Variants in CNOT1 observed in about 807,000 individuals in gnomAD.
CNOT1 encodes CCR4-associated factor 1.
In CNOT1, 15 loss-of-function variants were observed where a neutral mutation model predicts 273.8. That is an observed-to-expected ratio of 0.05 (90% CI 0.04 to 0.08). The LOEUF (loss-of-function observed/expected upper bound fraction) is 0.08, where lower values mean the gene tolerates loss of function less well. Among genes scored for constraint, CNOT1 ranks in the 10% least tolerant of loss-of-function variants. The pLI is 1.00. For missense variants in CNOT1, 1,644 were observed against 2,912.2 expected (o/e 0.56, Z 10.02); for synonymous variants, 1,022 against 1,005.5 (o/e 1.02, Z -0.31).
Position 58,551,278 on chromosome 16 carries a change from A to G in CNOT1, c.3202-6T>C. 1 of 1,561,872 alleles carries G rather than the reference A, an allele frequency of 6.4e-7. No individual in the cohort carries two copies. Among genetic ancestry groups the G allele is most frequent in the African/African-American group, 1.4e-5 (1 of 72,136 alleles). ...TTTGTAGTATTAATAGAAGGCTAAA[A>G]AAAAAAAATAAAGTACATAAGGCAA... On this transcript the variant is annotated splice_region_variant and splice_polypyrimidine_tract_variant and intron_variant, in intron 23 of 48. Transcript: ENST00000317147.
chr16:58,610,802 C>A lies in CNOT1; in HGVS notation c.-174-11291G>T, dbSNP rs372174883. Among the ~76,000 whole-genome samples, 8 of 151,958 alleles carry A rather than the reference C, an allele frequency of 5.3e-5. No individual in the cohort carries two copies. In the East Asian group the frequency reaches 1.2e-3, roughly 22 times the overall value. ...AGCTTGCAGTGAGCCGAGGTCGCAC[C>A]ACTGCACTCCAGCCTGGGCAACAGA... On this transcript the variant is annotated intron_variant, in intron 1 of 48. Transcript: ENST00000317147.
intron 1 of CNOT1, among the ~76,000 whole-genome samples, chr16:58,601,071 C>T (rs749174892): frequency 1.8e-4 from 28 of 152,206 alleles, no homozygotes; most frequent in Non-Finnish European, 4.0e-4. Context: ...CCTCCTGTCT[C>T]AGCCTCCCAA....
chr16:58,549,508 G>A (rs1050477252), intron 25 of CNOT1, among the ~76,000 whole-genome samples: 1 of 152,022 alleles, frequency 6.6e-6, no homozygotes, highest in Non-Finnish European at 1.5e-5. Context: ...TCATAATAGT[G>A]GTTACTTTCA....
chr16:58,568,983 A>C (rs2041166056), intron 16 of CNOT1, among the ~76,000 whole-genome samples: 2 of 152,262 alleles, frequency 1.3e-5, no homozygotes. Flanking sequence ...TTCAACAAAA[A>C]AATTACAAGA....
chr16:58,591,500 T>A (rs528731166), intron 2 of CNOT1, among the ~76,000 whole-genome samples: 1 of 152,224 alleles, frequency 6.6e-6, no homozygotes, highest in East Asian at 1.9e-4. Flanking sequence ...ATGCCTGTAA[T>A]CCCAGCAGTT....
intron 2 of CNOT1, among the ~76,000 whole-genome samples, chr16:58,596,781 G>A (rs567945068): frequency 2.3e-4 from 34 of 150,706 alleles, no homozygotes; most frequent in Middle Eastern, 3.4e-3. Flanking sequence ...CCAGCTACTC[G>A]GGAGGCTGAG....
chr16:58,554,062 C>T (rs1243233384), intron 21 of CNOT1, among the ~76,000 whole-genome samples: 1 of 152,106 alleles, frequency 6.6e-6, no homozygotes. Context: ...TCAGAAAATA[C>T]ACTACCTCTG....
chr16:58,601,344 G>A (rs900907425), intron 1 of CNOT1, among the ~76,000 whole-genome samples: 3 of 152,048 alleles, frequency 2.0e-5, no homozygotes, highest in African/African-American at 4.8e-5. Context: ...TGATCCGCCC[G>A]CCTCGGCCTC....
rs2041660453 is a variant in CNOT1, at chr16:58,581,659, T to G, written c.1045-144A>C. 3.1e-6 allele frequency: 4 copies of G among 1,308,794 alleles called. No individual in the cohort carries two copies. The African/African-American group carries it at 4.5e-5, about 15-fold the overall frequency. The allele number at this position is 1,308,794 out of a possible 1,614,324, so 81.1% of individuals were successfully genotyped here. A position where few individuals can be genotyped will look rare whatever the true frequency, so the allele number is the denominator to read the frequency against. ...TGTGAATTTTAAGAAACCCATTCTT[T>G]TTTTTTCTTTTTTTTTTTTTAAGAC... is the stretch of plus-strand genomic sequence containing the variant. On this transcript the variant is annotated intron_variant, in intron 10 of 48. Coordinates refer to ENST00000317147, the MANE Select transcript of CNOT1 (RefSeq NM_016284.5).
chr16:58,547,383 T>C lies in CNOT1; in HGVS notation c.3640-87A>G. On this transcript the variant is annotated intron_variant, in intron 26 of 48. Coordinates refer to ENST00000317147, the MANE Select transcript of CNOT1 (RefSeq NM_016284.5). The surrounding 1 kb of genome is among the most constrained non-coding windows in gnomAD (Gnocchi z 4.0). The stretch of plus-strand genomic sequence containing the variant: ...CCAAAGAAAAGTATTTTGCCAAGCT[T>C]ATCCCCAAAACAGGAATCAACATAA... 6.4e-7 allele frequency: 1 copy of C among 1,571,668 alleles called. No individual in the cohort carries two copies. Among genetic ancestry groups the C allele is most frequent in the Non-Finnish European group, 8.6e-7 (1 of 1,157,896 alleles).
At chr16:58,597,447 C>T (rs1204325767) in intron 2 of CNOT1, 1 of 192,556 alleles carries the variant, frequency 5.2e-6, no homozygotes, top group African/African-American at 2.4e-5. Flanking sequence ...GGTATGCCAG[C>T]CTGAGTGACA....
intron 2 of CNOT1, among the ~76,000 whole-genome samples, chr16:58,593,746 GTTAAA>G (rs2042148052): frequency 6.6e-6 from 1 of 152,090 alleles, no homozygotes. Flanking sequence ...GTGAGGAAAA[GTTAAA>G]TTAAACAAAT....
Position 58,547,424 on chromosome 16 carries a change from T to C in CNOT1, c.3640-128A>G. The stretch of plus-strand genomic sequence containing the variant: ...ATCAACATAATGTCTAGTCCTTGCC[T>C]TACAAAAAGGGGTTAACAACTCAAA... On this transcript the variant is annotated intron_variant, in intron 26 of 48. Transcript: ENST00000317147. This position sits in a 1 kb window ranked among gnomAD's most constrained non-coding sequence, Gnocchi z 4.0. 1 of 1,509,306 alleles carries C rather than the reference T, an allele frequency of 6.6e-7. No homozygotes were observed. The allele number at this position is 1,509,306 out of a possible 1,614,324, so 93.5% of individuals were successfully genotyped here.
In CNOT1 at chr16:58,547,451, C is replaced by T. The variant is rs1353880353; in HGVS notation, c.3639+115G>A. 6.6e-7 allele frequency: 1 copy of T among 1,504,058 alleles called. No homozygotes were observed. The highest frequency in any genetic ancestry group is 8.9e-7 in the Non-Finnish European group (1 of 1,119,366). The allele number at this position is 1,504,058 out of a possible 1,614,324, so 93.2% of individuals were successfully genotyped here. A position where few individuals can be genotyped will look rare whatever the true frequency, so the allele number is the denominator to read the frequency against. On this transcript the variant is annotated intron_variant, in intron 26 of 48. Transcript: ENST00000317147. The surrounding 1 kb of genome is among the most constrained non-coding windows in gnomAD (Gnocchi z 4.0). ...ACAAAAAGGGGTTAACAACTCAAAA[C>T]GTGGGCCAAAATCTTACAAAACCCC...
chr16:58,621,602 T>C lies in CNOT1; in HGVS notation c.-175+8126A>G, dbSNP rs963128081. On this transcript the variant is annotated intron_variant, in intron 1 of 48. Transcript: ENST00000317147. The stretch of plus-strand genomic sequence containing the variant: ...TTCTTGTTAGCAAAACCAGGCCTTA[T>C]AGTTTGTCCAAATCCACAGAATATA... Among the ~76,000 whole-genome samples the C allele has an allele frequency of 2.0e-5, 3 of 150,362 alleles. No homozygotes were observed. The South Asian group carries it at 6.4e-4, about 32-fold the overall frequency.
intron 13 of CNOT1, among the ~76,000 whole-genome samples, 182 bp from the exon 14 acceptor site, chr16:58,576,764 T>G (rs1278723549): frequency 6.6e-6 from 1 of 152,236 alleles, no homozygotes; most frequent in Non-Finnish European, 1.5e-5. Flanking sequence ...CCAAGTTACC[T>G]CCACATATTC....
intron 44 of CNOT1, 83 bp from the exon 45 acceptor site, chr16:58,526,221 T>C (rs1201045320): frequency 6.9e-7 from 1 of 1,449,324 alleles, no homozygotes; most frequent in Non-Finnish European, 9.6e-7. Context: ...TGGGACTGTT[T>C]TTCTAAAACT....
intron 18 of CNOT1, 135 bp from the exon 19 acceptor site, chr16:58,557,128 G>T: frequency 8.3e-7 from 1 of 1,210,444 alleles, no homozygotes; most frequent in Non-Finnish European, 1.1e-6. Context: ...CAGAGTCTTT[G>T]TTAATTCCCT....
chr16:58,547,523 GTGC>G lies in CNOT1; in HGVS notation c.3639+40_3639+42del. Reference sequence around the variant, plus strand: ...AACAGCCAATACTTGTAATCATAATGTGCTGAAGATTCTCAATTTTTACACATT... The same window carrying G: ...AACAGCCAATACTTGTAATCATAATGTGAAGATTCTCAATTTTTACACATT... On this transcript the variant is annotated intron_variant, in intron 26 of 48. Transcript: ENST00000317147. The surrounding 1 kb of genome is among the most constrained non-coding windows in gnomAD (Gnocchi z 4.0). 3.8e-6 allele frequency: 6 copies of G among 1,579,258 alleles called. No individual in the cohort carries two copies. The highest frequency in any genetic ancestry group is 5.2e-6 in the Non-Finnish European group (6 of 1,160,224).
Sources: gnomAD v4.1 joint callset for allele counts (sites outside exome capture counted in the v4.1 genomes callset) on GRCh38, gnomAD v4.1.1 for gene constraint, Gnocchi (gnomAD v3.1) non-coding constraint, MANE v1.5 for transcripts, NCBI Gene and HGNC (gene_info 2026-07-23, HGNC 2026-07-21) for gene names.